Variants in BICRA observed in about 807,000 individuals in gnomAD.
BICRA encodes BRD4 interacting chromatin remodeling complex associated protein.
Under a neutral mutation model 96.9 loss-of-function variants are expected in BICRA, and 31 were observed. The observed-to-expected ratio is 0.32, with a 90% CI of 0.24 to 0.43. BICRA has a LOEUF of 0.43. BICRA is among the 20% of genes least tolerant of loss of function. The pLI is 1.00. For synonymous variants in BICRA, 1,350 were observed against 1,071.8 expected, an observed-to-expected ratio of 1.26 and a Z score of -5.07; for missense variants, 2,283 against 2,190.3, an observed-to-expected ratio of 1.04 and a Z score of -0.84.
intron 7 of BICRA, among the ~76,000 whole-genome samples, chr19:47,687,831 A>AC (rs1973182375): frequency 1.3e-5 from 2 of 151,746 alleles, no homozygotes; most frequent in Admixed American, 6.6e-5. Flanking sequence ...CAAAAAAAAA[A>AC]AAAAAAACTT....
chr19:47,616,895 C>G (rs143976916), intron 1 of BICRA, among the ~76,000 whole-genome samples: 326 of 148,502 alleles, frequency 2.2e-3, no homozygotes, highest in African/African-American at 7.8e-3. Context: ...GTGGTGTGAT[C>G]TTGGCTCACT....
At position 47,681,123 on chromosome 19, in the gene BICRA, C is replaced by A. The variant is rs1237907842; in HGVS notation, c.1953C>A (p.Pro651=). The A allele has an allele frequency of 2.7e-6, 4 of 1,489,404 alleles. No individual in the cohort carries two copies. Among genetic ancestry groups the A allele is most frequent in the Non-Finnish European group, 3.6e-6 (4 of 1,112,268 alleles). The allele number at this position is 1,489,404 out of a possible 1,614,324, so 92.3% of individuals were successfully genotyped here. ...AGGCGCAGCAGCCCCCGCAGGCCCC[C>A]ACCCCACAGGCCGCCGCCCCGCCTC... The part of the protein sequence containing the change: ...QPQAQQPPQA[P]TPQAAAPPQA... The change falls in exon 6 of 15, where the codon CCC becomes CCA. Residue 651 remains proline, a synonymous_variant. Coordinates refer to ENST00000594866, the MANE Select transcript of BICRA (RefSeq NM_001394372.1).
At chr19:47,651,829 G>C (rs886133137) in intron 1 of BICRA, among the ~76,000 whole-genome samples, 3 of 152,220 alleles carry the variant, frequency 2.0e-5, no homozygotes, top group Non-Finnish European at 4.4e-5. Context: ...AGTTATTTAA[G>C]AGACAGGAGG....
rs1337632432 is a variant in BICRA at position 47,615,243 on chromosome 19, A to G, written c.-108+6075A>G. 4.6e-5 allele frequency among the ~76,000 whole-genome samples: 7 copies of G among 152,280 alleles called. No homozygotes were observed. The East Asian group carries it at 7.7e-4, about 17-fold the overall frequency. On this transcript the variant is annotated intron_variant, in intron 1 of 14. Coordinates refer to ENST00000594866, the MANE Select transcript of BICRA (RefSeq NM_001394372.1). ...GCACTCCTCCCGCCTTGGCCTCCCA[A>G]TGTGCTGGGATTACAGGCGTGAGCC...
intron 1 of BICRA, among the ~76,000 whole-genome samples, chr19:47,618,927 G>A (rs1972022033): frequency 6.6e-6 from 1 of 152,184 alleles, no homozygotes; most frequent in South Asian, 2.1e-4. Context: ...GAGGCTGGGC[G>A]GGCAGATGTC....
chr19:47,625,725 A>G (rs62130669), intron 1 of BICRA, among the ~76,000 whole-genome samples: 234 of 152,132 alleles, frequency 1.5e-3, no homozygotes, highest in Non-Finnish European at 2.7e-3. Flanking sequence ...TCAGAAGTGA[A>G]GTTTGCTCAC....
intron 1 of BICRA, among the ~76,000 whole-genome samples, chr19:47,614,100 A>T (rs1485186169): frequency 6.6e-6 from 1 of 151,340 alleles, no homozygotes; most frequent in Non-Finnish European, 1.5e-5. Context: ...GTGGGGTTTC[A>T]TTCATTCTGT....
intron 1 of BICRA, among the ~76,000 whole-genome samples, chr19:47,618,008 G>T (rs191308131): frequency 6.6e-6 from 1 of 152,210 alleles, no homozygotes; most frequent in Non-Finnish European, 1.5e-5. Flanking sequence ...GCAGCAGGGA[G>T]TGGGCTTTGA....
chr19:47,695,058 C>G lies in BICRA; in HGVS notation c.3054C>G (p.Ala1018=), dbSNP rs1212174198. 6.7e-7 allele frequency: 1 copy of G among 1,498,264 alleles called. No homozygotes were observed. The highest frequency in any genetic ancestry group is 8.8e-7 in the Non-Finnish European group (1 of 1,134,302). 92.8% of individuals were successfully genotyped at this position (1,498,264 alleles called of 1,614,324 possible). A position where few individuals can be genotyped will look rare whatever the true frequency, so the allele number is the denominator to read the frequency against. Reference sequence around the variant, plus strand: ...CCACTGCCCCCAGCCACGCCCCCGCCCCGGCACCCATGGCCGCCACAGGTA... The same window carrying G: ...CCACTGCCCCCAGCCACGCCCCCGCGCCGGCACCCATGGCCGCCACAGGTA... The part of the protein sequence containing the change: ...GTPTAPSHAP[A]PAPMAATGLP... The change falls in exon 9 of 15, where the codon GCC becomes GCG. Residue 1018 remains alanine (A), a synonymous_variant. Coordinates refer to ENST00000594866, the MANE Select transcript of BICRA (RefSeq NM_001394372.1).
chr19:47,685,776 TGTGTGTGTGTGCGC>T (rs1243605096), intron 7 of BICRA, among the ~76,000 whole-genome samples: 26 of 133,276 alleles, frequency 2.0e-4, no homozygotes, highest in African/African-American at 7.8e-4. Context: ...TGTGTGTGTG[TGTGTGTGTGTGCGC>T]GCGCGCGCGC....
In BICRA at chr19:47,695,027, G is replaced by T; in HGVS notation, c.3023G>T (p.Gly1008Val). ...SVLVSGQAPS[G>V]TPTAPSHAPA... ...CTGGTCAGTGGGCAGGCCCCATCTG[G>T]GACCCCCACTGCCCCCAGCCACGCC... The change falls in exon 9 of 15, where the codon GGG (glycine) becomes GTG (valine). Residue 1008 changes from glycine (G) to valine (V), a missense_variant. Transcript: ENST00000594866. The T allele has an allele frequency of 6.6e-7, 1 of 1,510,344 alleles. No homozygotes were observed. 93.6% of individuals were successfully genotyped at this position (1,510,344 alleles called of 1,614,324 possible). A position where few individuals can be genotyped will look rare whatever the true frequency, so the allele number is the denominator to read the frequency against.
At chr19:47,618,246 C>T (rs894869626) in intron 1 of BICRA, among the ~76,000 whole-genome samples, 1 of 152,108 alleles carries the variant, frequency 6.6e-6, no homozygotes, top group Admixed American at 6.6e-5. Context: ...CCTAGGATGA[C>T]CCTGGAGGTG....
At chr19:47,646,453 GCACA>G (rs1302797470) in intron 1 of BICRA, among the ~76,000 whole-genome samples, 1 of 151,882 alleles carries the variant, frequency 6.6e-6, no homozygotes, top group Admixed American at 6.6e-5. Flanking sequence ...ACGTGTGCGC[GCACA>G]CACACACGGC....
intron 1 of BICRA, among the ~76,000 whole-genome samples, chr19:47,618,926 C>T (rs1053553512): frequency 2.0e-5 from 3 of 152,158 alleles, no homozygotes; most frequent in East Asian, 3.9e-4. Flanking sequence ...TGAGGCTGGG[C>T]GGGCAGATGT....
At chr19:47,656,710 G>T (rs1007249807) in intron 1 of BICRA, among the ~76,000 whole-genome samples, 6 of 152,132 alleles carry the variant, frequency 3.9e-5, no homozygotes, top group African/African-American at 1.4e-4. Context: ...TATTACCTGT[G>T]TAAGCATCAC....
chr19:47,666,336 G>A (rs1972779211), intron 1 of BICRA, among the ~76,000 whole-genome samples: 1 of 151,284 alleles, frequency 6.6e-6, no homozygotes, highest in Non-Finnish European at 1.5e-5. Flanking sequence ...CTGGAGTGCA[G>A]TGGCGCAATC....
At chr19:47,633,929 G>A (rs1972260673) in intron 1 of BICRA, among the ~76,000 whole-genome samples, 1 of 152,218 alleles carries the variant, frequency 6.6e-6, no homozygotes, top group South Asian at 2.1e-4. Flanking sequence ...GGCGTTCTGT[G>A]CGTTCACCCT....
At chr19:47,686,898 C>T (rs936892167) in intron 7 of BICRA, among the ~76,000 whole-genome samples, 1 of 152,174 alleles carries the variant, frequency 6.6e-6, no homozygotes, top group Non-Finnish European at 1.5e-5. Context: ...TGTTGTACCA[C>T]GGTGTCCTTG....
At chr19:47,685,786 T>TGTGTGTGTGTGCGCGCGC in intron 7 of BICRA, among the ~76,000 whole-genome samples, 14 of 117,968 alleles carry the variant, frequency 1.2e-4, no homozygotes, top group Admixed American at 3.5e-4. Flanking sequence ...TGTGTGTGTG[T>TGTGTGTGTGTGCGCGCGC]GCGCGCGCGC....
Sources: allele counts gnomAD v4.1 joint callset (sites outside exome capture counted in the v4.1 genomes callset), GRCh38; gene constraint gnomAD v4.1.1; transcripts MANE v1.5; gene names NCBI Gene and HGNC (gene_info 2026-07-23, HGNC 2026-07-21).